GPD1: variants seen among roughly 807,000 people sequenced by gnomAD.
The protein encoded by GPD1 is glycerol-3-phosphate dehydrogenase 1.
GPD1 carries 19 observed loss-of-function variants against 34.4 expected under a neutral mutation model. The ratio of observed to expected loss-of-function variants is 0.55; its 90% CI spans 0.39 to 0.81. The LOEUF is 0.81. Ranked by LOEUF, GPD1 falls within the 30% of genes least tolerant of loss-of-function variation. The probability of loss-of-function intolerance (pLI) is 0.00; values close to 1 mark genes in which losing one functional copy is unlikely to be tolerated. For missense variants in GPD1, 429 were observed against 447.0 expected, an observed-to-expected ratio of 0.96 and a Z score of 0.36; for synonymous variants, 172 against 174.1, an observed-to-expected ratio of 0.99 and a Z score of 0.09.
rs1592304616 is a variant in GPD1 at position 50,109,991 on chromosome 12, A to T, written c.*472A>T. On this transcript the variant is annotated 3_prime_UTR_variant, in exon 8 of 8. Coordinates refer to ENST00000301149, the MANE Select transcript of GPD1 (RefSeq NM_005276.4). ...GGGAGGGGTCTGGGCTTCTGAGCTG[A>T]TGCAGGCCCCAAGGACCCCTTTGCT... 1 of 156,440 alleles carries T rather than the reference A, an allele frequency of 6.4e-6. No homozygotes were observed. The highest frequency in any genetic ancestry group is 1.9e-4 in the East Asian group (1 of 5,318). The allele number at this position is 156,440 out of a possible 1,614,324, so 9.7% of individuals were successfully genotyped here.
At chr12:50,108,165 G>A in intron 7 of GPD1, 35 bp downstream of exon 7, 2 of 1,210,630 alleles carry the variant, frequency 1.7e-6, no homozygotes, top group Admixed American at 1.8e-5. Context: ...GATTAAGGGA[G>A]CCACAGCCAG....
chr12:50,108,253 C>T, intron 7 of GPD1, 123 bp downstream of exon 7: 1 of 668,848 alleles, frequency 1.5e-6, no homozygotes, highest in South Asian at 1.7e-5. Context: ...TATTACCTTA[C>T]ATTTCAGACA....
In GPD1 at chr12:50,107,598, A is replaced by G. The variant is rs1592302717; in HGVS notation, c.644A>G (p.Asp215Gly). 6.2e-7 allele frequency: 1 copy of G among 1,614,034 alleles called. No individual in the cohort carries two copies. Reference protein sequence around the residue: ...NVVAVGAGFCDGLGFGDNTKA... With the variant: ...NVVAVGAGFCGGLGFGDNTKA... ...GTGGCCGTGGGGGCTGGCTTCTGTG[A>G]TGGCCTGGGCTTTGGCGACAACACC... The change falls in exon 6 of 8, where the codon GAT becomes GGT. Residue 215 changes from aspartate (D) to glycine (G), a missense_variant. Transcript: ENST00000301149.
chr12:50,105,620 A>G lies in GPD1; in HGVS notation c.292A>G (p.Ile98Val). 1 of 1,614,178 alleles carries G rather than the reference A, an allele frequency of 6.2e-7. No homozygotes were observed. The highest frequency in any genetic ancestry group is 8.5e-7 in the Non-Finnish European group (1 of 1,180,020). ...GATCTTTGTGGTGCCCCATCAGTTCATCGGCAAGATCTGTGACCAGCTCAA... is the reference window on the plus strand; with the variant it reads ...GATCTTTGTGGTGCCCCATCAGTTCGTCGGCAAGATCTGTGACCAGCTCAA... ...ILIFVVPHQF[I>V]GKICDQLKGH... is the part of the protein sequence containing the mutation. The change falls in exon 3 of 8, where the codon ATC becomes GTC. Residue 98 changes from isoleucine (I) to valine (V), a missense_variant. Coordinates refer to ENST00000301149, the MANE Select transcript of GPD1 (RefSeq NM_005276.4).
chr12:50,108,084 G>T lies in GPD1; in HGVS notation c.907G>T (p.Ala303Ser). The change falls in exon 7 of 8, where the codon GCC becomes TCC. Residue 303 changes from alanine to serine, a missense_variant. By Grantham distance (99) the Ala-to-Ser change is moderately conservative (BLOSUM62 1). Coordinates refer to ENST00000301149, the MANE Select transcript of GPD1 (RefSeq NM_005276.4). ...NGQKLQGPETARELYSILQHK... is the reference protein window; with the variant it reads ...NGQKLQGPETSRELYSILQHK... ...GCAGAAACTGCAGGGGCCCGAGACAGCCCGGGAGCTATACAGCATCCTCCA... is the reference window on the plus strand; with the variant it reads ...GCAGAAACTGCAGGGGCCCGAGACATCCCGGGAGCTATACAGCATCCTCCA... The T allele has an allele frequency of 6.2e-7, 1 of 1,613,088 alleles. No individual in the cohort carries two copies. The highest frequency in any genetic ancestry group is 1.1e-5 in the South Asian group (1 of 90,912).
chr12:50,109,310 C>A, intron 7 of GPD1, 113 bp from the exon 8 acceptor site: 1 of 674,322 alleles, frequency 1.5e-6, no homozygotes, highest in Middle Eastern at 2.5e-4. Flanking sequence ...GCCATCCTTC[C>A]TGAGCTCCAA....
intron 1 of GPD1, 53 bp from the exon 2 acceptor site, chr12:50,104,521 C>T (rs1950964156): frequency 2.8e-6 from 4 of 1,431,102 alleles, no homozygotes; most frequent in East Asian, 2.3e-5. Flanking sequence ...GCTGCCCCAA[C>T]TCCTGCCACT....
chr12:50,107,480 C>CA (rs1565747716), intron 5 of GPD1, 87 bp from the exon 6 acceptor site: 1 of 1,015,714 alleles, frequency 9.8e-7, no homozygotes, highest in East Asian at 2.4e-5. Flanking sequence ...CAGTGGGTGT[C>CA]ACGGCTGATG....
intron 2 of GPD1, 37 bp from the exon 3 acceptor site, chr12:50,105,511 G>A: frequency 6.3e-7 from 1 of 1,596,950 alleles, no homozygotes; most frequent in South Asian, 1.1e-5. Context: ...GCTAGGGGAG[G>A]TCTGCCAGGC....
chr12:50,104,268 G>C (rs762749865), intron 1 of GPD1, 177 bp downstream of exon 1: 72 of 715,152 alleles, frequency 1.0e-4, no homozygotes, highest in Non-Finnish European at 1.4e-4. Context: ...CGCCCTCCTG[G>C]GCAGCTGCAC....
Position 50,109,521 on chromosome 12 carries a change from TGGGGCCA to T in GPD1, c.*6_*12del. The T allele has an allele frequency of 6.7e-7, 1 of 1,487,284 alleles. No homozygotes were observed. The highest frequency in any genetic ancestry group is 9.4e-7 in the Non-Finnish European group (1 of 1,063,574). The allele number at this position is 1,487,284 out of a possible 1,614,324, so 92.1% of individuals were successfully genotyped here. On this transcript the variant is annotated 3_prime_UTR_variant, in exon 8 of 8. Coordinates refer to ENST00000301149, the MANE Select transcript of GPD1 (RefSeq NM_005276.4). The stretch of plus-strand genomic sequence containing the variant: ...CAGAATCATCCAGAACATATGTGAG[TGGGGCCA>T]GGGCCCAGGCCAGGCCGCTTTTTTA...
rs1486224012 is a variant in GPD1 at position 50,106,502 on chromosome 12, G to A, written c.499+76G>A. ...CCCCAAACTGCCCCAACCCCACTTA[G>A]CCATCTCTTTCCCATAAGGCAGAGA... is the stretch of plus-strand genomic sequence containing the variant. On this transcript the variant is annotated intron_variant, in intron 4 of 7. Coordinates refer to ENST00000301149, the MANE Select transcript of GPD1 (RefSeq NM_005276.4). 4 of 1,323,898 alleles carry A rather than the reference G, an allele frequency of 3.0e-6. No homozygotes were observed. The East Asian group carries it at 9.3e-5, about 31-fold the overall frequency. The allele number at this position is 1,323,898 out of a possible 1,614,324, so 82.0% of individuals were successfully genotyped here.
At chr12:50,107,499 A>G in intron 5 of GPD1, 68 bp from the exon 6 acceptor site, 1 of 1,155,400 alleles carries the variant, frequency 8.7e-7, no homozygotes, top group Non-Finnish European at 1.3e-6. Flanking sequence ...TGAAATGAGT[A>G]TGAGGGGGCT....
chr12:50,107,619 A>C lies in GPD1; in HGVS notation c.665A>C (p.Asn222Thr). 6.2e-7 allele frequency: 1 copy of C among 1,614,058 alleles called. No homozygotes were observed. Residue 222 changes from asparagine (N) to threonine (T), a missense_variant, in exon 6 of 8, where the codon AAC (asparagine) becomes ACC (threonine). Physicochemically the swap from Asn to Thr is moderately conservative, Grantham distance 65. Transcript: ENST00000301149. ...TGTGATGGCCTGGGCTTTGGCGACA[A>C]CACCAAGGCGGCAGTGATCCGGCTG... is the stretch of plus-strand genomic sequence containing the variant. ...GFCDGLGFGD[N>T]TKAAVIRLGL...
chr12:50,108,309 A>G (rs1384580984), intron 7 of GPD1, among the ~76,000 whole-genome samples, 179 bp downstream of exon 7: 2 of 152,186 alleles, frequency 1.3e-5, no homozygotes, highest in African/African-American at 4.8e-5. Flanking sequence ...TCCGCCAGCT[A>G]GTTCATGGTC....
At chr12:50,106,222 A>C (rs1394608638) in intron 3 of GPD1, 66 bp from the exon 4 acceptor site, 1 of 1,417,316 alleles carries the variant, frequency 7.1e-7, no homozygotes, top group African/African-American at 1.4e-5. Context: ...AAGGGACAGA[A>C]TTTCTGGGCG....
At chr12:50,104,296 G>T in intron 1 of GPD1, 1 of 698,462 alleles carries the variant, frequency 1.4e-6, no homozygotes, top group South Asian at 1.5e-5. Context: ...CCATGGGAAG[G>T]CGTCTCCAGA....
rs1565746456 is a variant in GPD1, at chr12:50,104,645, TGTGG to T, written c.116_119del (p.Trp39TyrfsTer11). ...GCACAGTTTGACCCACGGGTGACCA[TGTGG>T]GTATTTGAGGAAGACATTGGAGGCA... On this transcript the variant is annotated frameshift_variant, in exon 2 of 8. Coordinates refer to ENST00000301149, the MANE Select transcript of GPD1 (RefSeq NM_005276.4). LOFTEE classifies it high-confidence loss of function. 6.2e-7 allele frequency: 1 copy of T among 1,611,708 alleles called. No individual in the cohort carries two copies. The highest frequency in any genetic ancestry group is 8.5e-7 in the Non-Finnish European group (1 of 1,177,804).
At chr12:50,107,507 G>A in intron 5 of GPD1, 60 bp from the exon 6 acceptor site, 5 of 1,214,744 alleles carry the variant, frequency 4.1e-6, no homozygotes, top group South Asian at 1.2e-5. Context: ...GTATGAGGGG[G>A]CTCCACATGG....
Sources: gnomAD v4.1 joint callset for allele counts (sites outside exome capture counted in the v4.1 genomes callset) on GRCh38, gnomAD v4.1.1 for gene constraint, MANE v1.5 for transcripts, NCBI Gene and HGNC (gene_info 2026-07-23, HGNC 2026-07-21) for gene names.